The following DISP1 variants were observed in gnomAD, a reference collection of about 807,000 sequenced individuals.
The protein encoded by DISP1 is dispatched RND transporter family member 1, also known as protein dispatched homolog 1.
In DISP1, 30 loss-of-function variants were observed where a neutral mutation model predicts 37.3. The observed-to-expected ratio is 0.80, with a 90% CI of 0.60 to 1.09. DISP1 has a LOEUF of 1.09. Among genes scored for constraint, DISP1 ranks in the 50% least tolerant of loss-of-function variants. DISP1 has a pLI of 0.00. For synonymous variants in DISP1, 634 were observed against 690.2 expected, an observed-to-expected ratio of 0.92 and a Z score of 1.28; for missense variants, 1,598 against 1,879.5, an observed-to-expected ratio of 0.85 and a Z score of 2.77.
At chr1:222,870,410 T>C (rs913888947) in intron 1 of DISP1, among the ~76,000 whole-genome samples, 27 of 152,180 alleles carry the variant, frequency 1.8e-4, no homozygotes, top group Non-Finnish European at 3.7e-4. Context: ...CCACCAACAG[T>C]GTAAAAGTGT....
Position 222,850,511 on chromosome 1 carries a change from G to T in DISP1, c.-159+35433G>T, listed in dbSNP as rs78234666. On this transcript the variant is annotated intron_variant, in intron 1 of 8. Coordinates refer to ENST00000675850, the MANE Select transcript of DISP1 (RefSeq NM_001377229.1). The stretch of plus-strand genomic sequence containing the variant: ...TACATAGGTAAACATGTATCATGGG[G>T]TTTTTTTGTACATATTATTTCATCA... 9.7e-4 allele frequency among the ~76,000 whole-genome samples: 147 copies of T among 151,916 alleles called. 3 individuals are homozygous for T. The East Asian group carries it at 0.024, about 25-fold the overall frequency.
chr1:222,959,298 A>G (rs1417964902), intron 3 of DISP1, among the ~76,000 whole-genome samples: 1 of 152,208 alleles, frequency 6.6e-6, no homozygotes, highest in African/African-American at 2.4e-5. Context: ...TATGCCAGGC[A>G]TTGTGCTATA....
intron 1 of DISP1, among the ~76,000 whole-genome samples, chr1:222,918,521 C>T (rs1672619499): frequency 6.6e-6 from 1 of 152,050 alleles, no homozygotes; most frequent in South Asian, 2.1e-4. Context: ...TTGCACCCTT[C>T]TCCATGAAAG....
At chr1:222,826,368 A>G (rs1372539840) in intron 1 of DISP1, among the ~76,000 whole-genome samples, 1 of 138,400 alleles carries the variant, frequency 7.2e-6, no homozygotes, top group East Asian at 2.1e-4. Context: ...TCTCCTTTAC[A>G]CTTTAATACT....
rs372309572 is a variant in DISP1 at position 222,815,450 on chromosome 1, G to T, written c.-159+372G>T. Among the ~76,000 whole-genome samples the T allele has an allele frequency of 2.0e-5, 3 of 152,102 alleles. No individual in the cohort carries two copies. In the East Asian group the frequency reaches 5.8e-4, roughly 29 times the overall value. ...TTGACTGAGAGGATGGCAGGAGATG[G>T]CAAAGGTTGGCTTCCAGGGAGAGGT... On this transcript the variant is annotated intron_variant, in intron 1 of 8. Coordinates refer to ENST00000675850, the MANE Select transcript of DISP1 (RefSeq NM_001377229.1).
intron 6 of DISP1, 30 bp downstream of exon 6, chr1:222,991,677 T>C: frequency 6.3e-7 from 1 of 1,599,192 alleles, no homozygotes; most frequent in Non-Finnish European, 8.5e-7. Flanking sequence ...TATATAACTT[T>C]TAGACAAAAC....
chr1:222,984,435 T>TATATAGAGAGAG lies in DISP1; in HGVS notation c.539+1327_539+1328insTATAGAGAGAGA, dbSNP rs67660273. On this transcript the variant is annotated intron_variant, in intron 4 of 8. Transcript: ENST00000675850. ...AAAAAAAAAAAAATATATATATATA[T>TATATAGAGAGAG]AGAGAGAGAGAGAGAGAGAGAGAGC... 2.0e-3 allele frequency among the ~76,000 whole-genome samples: 212 copies of TATATAGAGAGAG among 108,358 alleles called. 8 individuals are homozygous for TATATAGAGAGAG. The highest frequency in any genetic ancestry group is 3.0e-3 in the African/African-American group (80 of 26,410). The allele number at this position is 108,358 out of a possible 152,430, so 71.1% of individuals were successfully genotyped here. A position where few individuals can be genotyped will look rare whatever the true frequency, so the allele number is the denominator to read the frequency against.
Position 223,003,663 on chromosome 1 carries a change from C to CGGT in DISP1, c.2267_2269dup (p.Arg756_Ser757insTrp). On this transcript the variant is annotated inframe_insertion, in exon 9 of 9. Coordinates refer to ENST00000675850, the MANE Select transcript of DISP1 (RefSeq NM_001377229.1). The surrounding 1 kb of genome is among the most constrained non-coding windows in gnomAD (Gnocchi z 4.3). ...GGAGTTATCCGAGTTCCAGGTGTTC[C>CGGT]GGTCGTCCCATCCTTTTGAGCGTTA... 6.2e-7 allele frequency: 1 copy of CGGT among 1,614,100 alleles called. No individual in the cohort carries two copies. The highest frequency in any genetic ancestry group is 8.5e-7 in the Non-Finnish European group (1 of 1,180,016).
chr1:222,935,142 T>A (rs961044165), intron 2 of DISP1, among the ~76,000 whole-genome samples: 6 of 152,178 alleles, frequency 3.9e-5, no homozygotes, highest in Non-Finnish European at 8.8e-5. Context: ...GCTCCACCCC[T>A]GATGTACTGT....
intron 1 of DISP1, among the ~76,000 whole-genome samples, chr1:222,840,967 T>G (rs959668022): frequency 8.5e-5 from 13 of 152,224 alleles, no homozygotes; most frequent in Admixed American, 7.8e-4. Context: ...CATCAAATTA[T>G]TATTATAATA....
At chr1:222,858,380 G>A (rs763452638) in intron 1 of DISP1, among the ~76,000 whole-genome samples, 29 of 152,174 alleles carry the variant, frequency 1.9e-4, no homozygotes, top group Non-Finnish European at 3.2e-4. Flanking sequence ...AACAACCATA[G>A]AAGAAAATCT....
intron 2 of DISP1, among the ~76,000 whole-genome samples, chr1:222,937,580 G>A (rs550033049): frequency 1.3e-5 from 2 of 151,956 alleles, no homozygotes; most frequent in South Asian, 4.2e-4. Context: ...AAATTTAATC[G>A]AAAGATGGTT....
At chr1:222,961,826 T>C (rs1447315296) in intron 3 of DISP1, among the ~76,000 whole-genome samples, 1 of 152,068 alleles carries the variant, frequency 6.6e-6, no homozygotes, top group Non-Finnish European at 1.5e-5. Flanking sequence ...GCCAACATGG[T>C]GAAACCCCGT....
intron 3 of DISP1, among the ~76,000 whole-genome samples, chr1:222,963,318 TTGG>T (rs1240201552): frequency 6.6e-6 from 1 of 152,180 alleles, no homozygotes; most frequent in East Asian, 1.9e-4. Flanking sequence ...CTTTACACTG[TTGG>T]TGGGAATGTA....
intron 1 of DISP1, among the ~76,000 whole-genome samples, chr1:222,875,716 A>G: frequency 6.6e-6 from 1 of 150,904 alleles, no homozygotes; most frequent in East Asian, 1.9e-4. Flanking sequence ...AATCCCAGCT[A>G]CTTGGGAGGC....
chr1:222,824,384 C>T (rs919256524), intron 1 of DISP1, among the ~76,000 whole-genome samples: 1 of 152,140 alleles, frequency 6.6e-6, no homozygotes, highest in Non-Finnish European at 1.5e-5. Context: ...TTTGTCTAAG[C>T]TTGTGCTACC....
chr1:222,992,199 G>T (rs570905061), intron 7 of DISP1, 89 bp downstream of exon 7: 86 of 1,067,504 alleles, frequency 8.1e-5, no homozygotes, highest in Middle Eastern at 4.0e-4. Context: ...ATAGCCGTGT[G>T]TGGCTAGTCA....
chr1:222,863,233 G>A (rs1393164440), intron 1 of DISP1, among the ~76,000 whole-genome samples: 1 of 151,942 alleles, frequency 6.6e-6, no homozygotes, highest in East Asian at 1.9e-4. Context: ...TAATTTGTGG[G>A]GAGAGGGCTG....
chr1:222,988,799 G>A (rs930916019), intron 4 of DISP1, among the ~76,000 whole-genome samples: 13 of 151,984 alleles, frequency 8.6e-5, no homozygotes, highest in African/African-American at 2.2e-4. Context: ...GACTACAGGC[G>A]TGTGCCACCA....
Sources: allele counts gnomAD v4.1 joint callset (sites outside exome capture counted in the v4.1 genomes callset), GRCh38; gene constraint gnomAD v4.1.1; non-coding constraint Gnocchi (gnomAD v3.1); transcripts MANE v1.5; gene names NCBI Gene and HGNC (gene_info 2026-07-23, HGNC 2026-07-21).